HOOK3: variants seen among roughly 807,000 people sequenced by gnomAD.
HOOK3 encodes the protein hook microtubule tethering protein 3, also known as protein Hook homolog 3.
A neutral mutation model predicts 116.3 loss-of-function variants in HOOK3; 24 were observed. The observed-to-expected ratio is 0.21, with a 90% CI of 0.15 to 0.29. The LOEUF (loss-of-function observed/expected upper bound fraction) is 0.29. HOOK3 is among the 10% of genes least tolerant of loss of function. The probability of loss-of-function intolerance (pLI) is 1.00; values close to 1 mark genes in which losing one functional copy is unlikely to be tolerated. For missense variants in HOOK3, 632 were observed against 830.2 expected, an observed-to-expected ratio of 0.76 and a Z score of 2.93; for synonymous variants, 275 against 283.0, an observed-to-expected ratio of 0.97 and a Z score of 0.28.
intron 6 of HOOK3, among the ~76,000 whole-genome samples, chr8:42,953,648 G>T (rs1808382960): frequency 6.6e-6 from 1 of 151,670 alleles, no homozygotes; most frequent in Non-Finnish European, 1.5e-5. Flanking sequence ...TACTAGATTG[G>T]GCTGTGAGTA....
At chr8:43,011,003 T>C (rs1809595379) in intron 19 of HOOK3, among the ~76,000 whole-genome samples, 1 of 151,912 alleles carries the variant, frequency 6.6e-6, no homozygotes, top group African/African-American at 2.4e-5. Context: ...CATTTTCTTT[T>C]TTTTTTTGAG....
chr8:42,999,901 CT>C (rs1168005309), intron 16 of HOOK3, among the ~76,000 whole-genome samples: 1 of 152,116 alleles, frequency 6.6e-6, no homozygotes, highest in African/African-American at 2.4e-5. Flanking sequence ...AATCCTAGCA[CT>C]TTGGGAGGCC....
At chr8:42,907,818 A>AAAAAAAAAAAAACAAAAAAAAAAAAC in intron 2 of HOOK3, among the ~76,000 whole-genome samples, 1 of 110,030 alleles carries the variant, frequency 9.1e-6, no homozygotes, top group African/African-American at 5.2e-5. Flanking sequence ...CAACGAGGCA[A>AAAAAAAAAAAAACAAAAAAAAAAAAC]AAAAAAAAAA....
At chr8:43,006,108 C>A (rs1250842134) in intron 17 of HOOK3, among the ~76,000 whole-genome samples, 2 of 151,490 alleles carry the variant, frequency 1.3e-5, no homozygotes, top group Non-Finnish European at 2.9e-5. Flanking sequence ...GCAAGCTCCG[C>A]CTCCCGGGTT....
chr8:42,914,978 A>G (rs1349344016), intron 2 of HOOK3, among the ~76,000 whole-genome samples: 3 of 152,196 alleles, frequency 2.0e-5, no homozygotes, highest in Admixed American at 6.5e-5. Flanking sequence ...ATGGCATTCC[A>G]GAGATGTATA....
At chr8:42,973,450 C>A in intron 12 of HOOK3, 51 bp downstream of exon 12, 1 of 1,139,202 alleles carries the variant, frequency 8.8e-7, no homozygotes, top group Non-Finnish European at 1.2e-6. Flanking sequence ...AAAATTAAGG[C>A]GATTATGTTT....
chr8:42,954,614 A>G (rs1808402102), intron 6 of HOOK3, among the ~76,000 whole-genome samples: 1 of 152,242 alleles, frequency 6.6e-6, no homozygotes, highest in African/African-American at 2.4e-5. Context: ...AATCCAAATT[A>G]GATTTTTAAT....
At chr8:43,014,271 G>GC (rs1416540533) in intron 21 of HOOK3, among the ~76,000 whole-genome samples, 1 of 121,440 alleles carries the variant, frequency 8.2e-6, no homozygotes, top group East Asian at 2.4e-4. Context: ...GGGTGACACA[G>GC]CAAGACTGTC....
chr8:42,937,624 T>C (rs183696811), intron 4 of HOOK3, among the ~76,000 whole-genome samples: 4 of 152,332 alleles, frequency 2.6e-5, no homozygotes, highest in African/African-American at 9.6e-5. Context: ...AACTTACTTA[T>C]TTCTGCCTTC....
At chr8:42,992,699 A>C (rs1269485925) in intron 15 of HOOK3, among the ~76,000 whole-genome samples, 1 of 140,476 alleles carries the variant, frequency 7.1e-6, no homozygotes, top group Non-Finnish European at 1.5e-5. Flanking sequence ...CTGGTGACAG[A>C]GACTCCATCT....
chr8:42,974,014 A>G, intron 12 of HOOK3, 93 bp from the exon 13 acceptor site: 1 of 838,142 alleles, frequency 1.2e-6, no homozygotes, highest in East Asian at 2.5e-5. Flanking sequence ...CATGTTCACT[A>G]TTGTTTATCA....
chr8:42,939,643 G>T (rs560177096), intron 4 of HOOK3, among the ~76,000 whole-genome samples: 11 of 150,708 alleles, frequency 7.3e-5, no homozygotes, highest in African/African-American at 2.2e-4. Context: ...CCTCCCTCCC[G>T]GACGGGGTGG....
At chr8:42,900,307 G>T (rs1807159516) in intron 1 of HOOK3, among the ~76,000 whole-genome samples, 2 of 152,156 alleles carry the variant, frequency 1.3e-5, no homozygotes, top group Non-Finnish European at 2.9e-5. Context: ...CACCTGTGAA[G>T]CCTAATTTCT....
intron 6 of HOOK3, among the ~76,000 whole-genome samples, chr8:42,954,606 T>G (rs1299840275): frequency 6.6e-6 from 1 of 152,206 alleles, no homozygotes. Flanking sequence ...TAAAAGAGAA[T>G]CCAAATTAGA....
chr8:42,937,352 A>ATT (rs35303192), intron 4 of HOOK3, among the ~76,000 whole-genome samples: 4,516 of 113,808 alleles, frequency 0.04, 161 homozygotes, highest in African/African-American at 0.081. Context: ...GGATTCATTG[A>ATT]TTTTTTTTTT....
Position 43,030,184 on chromosome 8 carries a change from C to G in HOOK3, c.*11686C>G, listed in dbSNP as rs1328853610. The G allele has an allele frequency of 5.0e-6, 1 of 201,210 alleles. No homozygotes were observed. The highest frequency in any genetic ancestry group is 7.7e-5 in the East Asian group (1 of 12,992). The allele number at this position is 201,210 out of a possible 1,614,324, so 12.5% of individuals were successfully genotyped here. A position where few individuals can be genotyped will look rare whatever the true frequency, so the allele number is the denominator to read the frequency against. ...GTGTTGAGATTGGTGGGTTTTCTGG[C>G]TGTTTTTCTGAGGTGAATGACTTGT... On this transcript the variant is annotated 3_prime_UTR_variant, in exon 22 of 22. Coordinates refer to ENST00000307602, the MANE Select transcript of HOOK3 (RefSeq NM_032410.4).
intron 2 of HOOK3, among the ~76,000 whole-genome samples, chr8:42,908,851 C>T (rs1807365667): frequency 6.6e-6 from 1 of 152,070 alleles, no homozygotes; most frequent in Non-Finnish European, 1.5e-5. Flanking sequence ...ACAAAGGAAA[C>T]AAGCAACAGA....
At chr8:42,904,935 GTGTC>G (rs1397189364) in intron 1 of HOOK3, among the ~76,000 whole-genome samples, 4 of 152,166 alleles carry the variant, frequency 2.6e-5, no homozygotes, top group African/African-American at 9.7e-5. Flanking sequence ...AGGATGGCCT[GTGTC>G]TGTCTGTTCT....
rs1809823244 is a variant in HOOK3 at position 43,021,277 on chromosome 8, C to T, written c.*2779C>T. Reference sequence around the variant, plus strand: ...TTCTCTATCTGGGTTGGAAAGGCCCCAGGCTTTTAGAGGGGAGTTTTACTT... The same window carrying T: ...TTCTCTATCTGGGTTGGAAAGGCCCTAGGCTTTTAGAGGGGAGTTTTACTT... On this transcript the variant is annotated 3_prime_UTR_variant, in exon 22 of 22. Transcript: ENST00000307602. The T allele has an allele frequency of 9.9e-6, 2 of 202,166 alleles. No individual in the cohort carries two copies. The highest frequency in any genetic ancestry group is 2.0e-5 in the Non-Finnish European group (2 of 98,408). 12.5% of individuals were successfully genotyped at this position (202,166 alleles called of 1,614,324 possible).
Sources: allele counts gnomAD v4.1 joint callset (sites outside exome capture counted in the v4.1 genomes callset), GRCh38; gene constraint gnomAD v4.1.1; transcripts MANE v1.5; gene names NCBI Gene and HGNC (gene_info 2026-07-23, HGNC 2026-07-21).